The following MAGI2 variants were observed in gnomAD, a reference collection of about 807,000 sequenced individuals.
MAGI2 encodes membrane-associated guanylate kinase, WW and PDZ domain-containing protein 2.
In MAGI2, 35 loss-of-function variants were observed where a neutral mutation model predicts 133.3. The observed-to-expected ratio is 0.26, with a 90% CI of 0.20 to 0.35. The LOEUF (loss-of-function observed/expected upper bound fraction) is 0.35, where lower values mean the gene tolerates loss of function less well. MAGI2 is among the 10% of genes least tolerant of loss of function. The probability of loss-of-function intolerance (pLI) is 1.00; values close to 1 mark genes in which losing one functional copy is unlikely to be tolerated. For missense variants in MAGI2, 1,636 were observed against 1,863.4 expected (o/e 0.88, Z 2.25); for synonymous variants, 729 against 710.6 (o/e 1.03, Z -0.41).
At chr7:78,352,184 G>A (rs1791590334) in intron 7 of MAGI2, among the ~76,000 whole-genome samples, 2 of 152,152 alleles carry the variant, frequency 1.3e-5, no homozygotes, top group African/African-American at 2.4e-5. Flanking sequence ...TAGACACTAT[G>A]GTTGATAGGG....
intron 2 of MAGI2, among the ~76,000 whole-genome samples, chr7:78,820,782 ATTAAT>A (rs1490982971): frequency 6.6e-6 from 1 of 151,984 alleles, no homozygotes; most frequent in Non-Finnish European, 1.5e-5. Flanking sequence ...AGACAATGTG[ATTAAT>A]TTATTTTAGA....
chr7:78,277,845 C>A (rs1192744029), intron 9 of MAGI2, among the ~76,000 whole-genome samples: 1 of 152,040 alleles, frequency 6.6e-6, no homozygotes, highest in Non-Finnish European at 1.5e-5. Flanking sequence ...GGCTGTCTAT[C>A]TACTACATCT....
chr7:78,948,576 A>G (rs993785914), intron 2 of MAGI2, among the ~76,000 whole-genome samples: 2 of 152,144 alleles, frequency 1.3e-5, no homozygotes, highest in African/African-American at 4.8e-5. Context: ...CAGAATGTTA[A>G]GTGATGCATT....
intron 19 of MAGI2, among the ~76,000 whole-genome samples, chr7:78,126,941 T>C (rs1053560771): frequency 1.3e-5 from 2 of 152,270 alleles, no homozygotes; most frequent in Non-Finnish European, 2.9e-5. Flanking sequence ...GATTAGTTTA[T>C]TCCATTACTA....
At chr7:79,246,666 G>T (rs1382674695) in intron 1 of MAGI2, among the ~76,000 whole-genome samples, 1 of 152,090 alleles carries the variant, frequency 6.6e-6, no homozygotes, top group Admixed American at 6.6e-5. Context: ...AGAAAAAAAA[G>T]CCTCAAAAGG....
At position 78,570,934 on chromosome 7, in the gene MAGI2, C is replaced by A. The variant is rs150712758; in HGVS notation, c.539-49289G>T. Among the ~76,000 whole-genome samples, 180 of 151,962 alleles carry A rather than the reference C, an allele frequency of 1.2e-3. 1 individual carries two copies. In the East Asian group the frequency reaches 0.024, roughly 21 times the overall value. On this transcript the variant is annotated intron_variant, in intron 3 of 21. Transcript: ENST00000354212. ...CTAGCTGTAACAATTCAATATTGAT[C>A]TCTTCTTTTTAAGTGAGTATTCTGA...
chr7:78,528,858 G>A (rs1217289471), intron 3 of MAGI2, among the ~76,000 whole-genome samples: 2 of 152,090 alleles, frequency 1.3e-5, no homozygotes, highest in South Asian at 2.1e-4. Context: ...TCAGAAATAA[G>A]AAAAATATAC....
chr7:79,353,670 C>T (rs2129112585), intron 1 of MAGI2: 1 of 342,336 alleles, frequency 2.9e-6, no homozygotes, highest in East Asian at 7.7e-5. Flanking sequence ...TCACACTGGG[C>T]ATTGGACTCT....
At chr7:78,599,177 G>A (rs915820297) in intron 3 of MAGI2, among the ~76,000 whole-genome samples, 3 of 152,038 alleles carry the variant, frequency 2.0e-5, no homozygotes, top group Admixed American at 6.6e-5. Flanking sequence ...CGAATCATAT[G>A]GCTTCCACAT....
intron 20 of MAGI2, among the ~76,000 whole-genome samples, chr7:78,099,020 T>C (rs1242853750): frequency 6.6e-6 from 1 of 152,182 alleles, no homozygotes; most frequent in East Asian, 1.9e-4. Context: ...CATTTTCAAA[T>C]ACAAATGATT....
intron 20 of MAGI2, among the ~76,000 whole-genome samples, chr7:78,117,162 A>T (rs1421267656): frequency 6.6e-6 from 1 of 151,894 alleles, no homozygotes; most frequent in Non-Finnish European, 1.5e-5. Context: ...AGCAACAAAA[A>T]GGATTATTCT....
At chr7:79,093,870 A>G (rs1817298139) in intron 1 of MAGI2, among the ~76,000 whole-genome samples, 1 of 151,652 alleles carries the variant, frequency 6.6e-6, no homozygotes, top group African/African-American at 2.4e-5. Flanking sequence ...GCCTGCCAAC[A>G]CACCCAGCTA....
At chr7:78,680,725 C>T (rs1386211955) in intron 2 of MAGI2, among the ~76,000 whole-genome samples, 1 of 152,152 alleles carries the variant, frequency 6.6e-6, no homozygotes, top group East Asian at 1.9e-4. Context: ...CTTTGTAGAG[C>T]TGACCTAAAT....
intron 16 of MAGI2, among the ~76,000 whole-genome samples, chr7:78,152,352 A>G (rs1302964491): frequency 6.6e-6 from 1 of 152,212 alleles, no homozygotes; most frequent in Admixed American, 6.5e-5. Flanking sequence ...AGCTGCTGGC[A>G]AAAACAGATG....
intron 6 of MAGI2, 77 bp downstream of exon 6, chr7:78,489,684 A>G: frequency 9.7e-7 from 1 of 1,034,230 alleles, no homozygotes; most frequent in Non-Finnish European, 1.5e-6. Context: ...TTGCCTCTTC[A>G]GGTGAGACTC....
chr7:78,657,297 A>C (rs1455258138), intron 2 of MAGI2, among the ~76,000 whole-genome samples: 2 of 152,180 alleles, frequency 1.3e-5, no homozygotes, highest in African/African-American at 4.8e-5. Flanking sequence ...TACTCTTAGC[A>C]TGTGATCTAG....
At chr7:78,394,800 A>G (rs1297399252) in intron 6 of MAGI2, among the ~76,000 whole-genome samples, 1 of 152,172 alleles carries the variant, frequency 6.6e-6, no homozygotes, top group East Asian at 1.9e-4. Context: ...TGCATTCCCA[A>G]CATCCAGGCT....
intron 1 of MAGI2, among the ~76,000 whole-genome samples, chr7:79,213,772 C>G: frequency 6.6e-6 from 1 of 151,988 alleles, no homozygotes; most frequent in East Asian, 1.9e-4. Context: ...CTACCCAGCC[C>G]TTTTTTCTTT....
At chr7:79,004,514 G>T (rs931004773) in intron 2 of MAGI2, among the ~76,000 whole-genome samples, 2 of 152,150 alleles carry the variant, frequency 1.3e-5, no homozygotes, top group African/African-American at 4.8e-5. Flanking sequence ...TTAGATAAAA[G>T]ATAGAAGTTC....
Sources: gnomAD v4.1 joint callset for allele counts (sites outside exome capture counted in the v4.1 genomes callset) on GRCh38, gnomAD v4.1.1 for gene constraint, MANE v1.5 for transcripts, NCBI Gene and HGNC (gene_info 2026-07-23, HGNC 2026-07-21) for gene names.